ASH1L: variants seen among roughly 807,000 people sequenced by gnomAD.
ASH1L encodes the protein ASH1 like histone lysine methyltransferase, also known as histone-lysine N-methyltransferase ASH1L.
ASH1L carries 23 observed loss-of-function variants against 269.0 expected under a neutral mutation model. That is an observed-to-expected ratio of 0.09 (90% CI 0.06 to 0.12). The LOEUF (loss-of-function observed/expected upper bound fraction) is 0.12. ASH1L is among the 10% of genes least tolerant of loss of function. The probability of loss-of-function intolerance (pLI) is 1.00; values close to 1 mark genes in which losing one functional copy is unlikely to be tolerated. For synonymous variants in ASH1L, 1,187 were observed against 1,253.5 expected (o/e 0.95, Z 1.12); for missense variants, 2,912 against 3,567.8 (o/e 0.82, Z 4.68).
At chr1:155,503,268 A>G (rs1176368226) in intron 2 of ASH1L, among the ~76,000 whole-genome samples, 1 of 152,212 alleles carries the variant, frequency 6.6e-6, no homozygotes, top group Non-Finnish European at 1.5e-5. Flanking sequence ...GATGTTAGTA[A>G]TTCAATGTAG....
At chr1:155,451,799 G>A (rs1663494880) in intron 4 of ASH1L, among the ~76,000 whole-genome samples, 1 of 152,108 alleles carries the variant, frequency 6.6e-6, no homozygotes, top group Non-Finnish European at 1.5e-5. Context: ...TCAGCTCACG[G>A]CAGCCTCCGC....
In ASH1L at chr1:155,370,830, A is replaced by T; in HGVS notation, c.6486T>A (p.Ala2162=). ...CTAGGTATTCAATGATGAACTGCCC[A>T]GCTTTTAGGGGCTCTTTGGTTCTGA... The part of the protein sequence containing the change: ...WGIRTKEPLK[A]GQFIIEYLGE... Residue 2162 remains alanine, a synonymous_variant, in exon 11 of 28, where the codon GCT becomes GCA. Transcript: ENST00000392403. The T allele has an allele frequency of 6.2e-7, 1 of 1,614,184 alleles. No homozygotes were observed. The highest frequency in any genetic ancestry group is 1.3e-5 in the African/African-American group (1 of 75,050).
At chr1:155,345,158 T>C (rs1653149611) in intron 21 of ASH1L, among the ~76,000 whole-genome samples, 1 of 148,168 alleles carries the variant, frequency 6.7e-6, no homozygotes, top group Non-Finnish European at 1.5e-5. Context: ...GGTTTCACCA[T>C]GTTAGCCAGG....
At chr1:155,453,960 C>A (rs984087345) in intron 4 of ASH1L, among the ~76,000 whole-genome samples, 1 of 151,804 alleles carries the variant, frequency 6.6e-6, no homozygotes, top group Non-Finnish European at 1.5e-5. Flanking sequence ...AAGAAATTAG[C>A]GGGGCGTGGT....
At chr1:155,461,973 T>C (rs973825017) in intron 3 of ASH1L, among the ~76,000 whole-genome samples, 4 of 151,998 alleles carry the variant, frequency 2.6e-5, no homozygotes, top group African/African-American at 9.7e-5. Context: ...TAATTTTTTG[T>C]ATTTTTAGTA....
intron 3 of ASH1L, among the ~76,000 whole-genome samples, chr1:155,470,235 G>A (rs1664996485): frequency 6.6e-6 from 1 of 152,032 alleles, no homozygotes. Context: ...GAGGCGGGTG[G>A]ATCACCATAG....
At chr1:155,407,051 C>T (rs1373905402) in intron 6 of ASH1L, among the ~76,000 whole-genome samples, 1 of 151,942 alleles carries the variant, frequency 6.6e-6, no homozygotes, top group Non-Finnish European at 1.5e-5. Context: ...GGTGAAACCC[C>T]ATCTCTACTA....
At chr1:155,398,824 C>T (rs1039771155) in intron 6 of ASH1L, among the ~76,000 whole-genome samples, 6 of 152,182 alleles carry the variant, frequency 3.9e-5, no homozygotes, top group South Asian at 2.1e-4. Context: ...GTGAACCTCT[C>T]GCCTCAGCCT....
Position 155,414,154 on chromosome 1 carries a change from C to T in ASH1L, c.6008+1590G>A, listed in dbSNP as rs565318032. Reference sequence around the variant, plus strand: ...TTTGTCTAAATTCAGATATTCATGACTTTTTGACAGAAACTGTGAGGTGAG... The same window carrying T: ...TTTGTCTAAATTCAGATATTCATGATTTTTTGACAGAAACTGTGAGGTGAG... On this transcript the variant is annotated intron_variant, in intron 6 of 27. Coordinates refer to ENST00000392403, the MANE Select transcript of ASH1L (RefSeq NM_018489.3). Among the ~76,000 whole-genome samples the T allele has an allele frequency of 5.3e-5, 8 of 152,214 alleles. No homozygotes were observed. The South Asian group carries it at 1.7e-3, about 32-fold the overall frequency.
At chr1:155,402,144 TCAAACAAA>T (rs34981891) in intron 6 of ASH1L, among the ~76,000 whole-genome samples, 50 of 151,418 alleles carry the variant, frequency 3.3e-4, no homozygotes, top group South Asian at 6.3e-4. Flanking sequence ...AGACTCCGTC[TCAAACAAA>T]CAAACAAACA....
intron 10 of ASH1L, among the ~76,000 whole-genome samples, chr1:155,371,995 C>T (rs1655994808): frequency 6.6e-6 from 1 of 151,624 alleles, no homozygotes; most frequent in Non-Finnish European, 1.5e-5. Context: ...TGCACCCGGC[C>T]GCTAATTTAC....
intron 5 of ASH1L, among the ~76,000 whole-genome samples, chr1:155,424,980 T>G (rs1466980622): frequency 1.3e-5 from 2 of 151,238 alleles, no homozygotes; most frequent in African/African-American, 2.4e-5. Context: ...GTTTTTGTGT[T>G]TTTTTTTTGA....
Position 155,491,935 on chromosome 1 carries a change from T to G in ASH1L, c.421-9486A>C, listed in dbSNP as rs565335237. ...CGATCCACTCACCTCAGCCTCTCAA[T>G]GTGCTGGGATTACAGGCGTGAGTCA... On this transcript the variant is annotated intron_variant, in intron 2 of 27. Transcript: ENST00000392403. Among the ~76,000 whole-genome samples, 4 of 151,976 alleles carry G rather than the reference T, an allele frequency of 2.6e-5. No individual in the cohort carries two copies. The East Asian group carries it at 7.7e-4, about 29-fold the overall frequency.
Position 155,480,800 on chromosome 1 carries a change from T to C in ASH1L, c.2070A>G (p.Ser690=). 1 of 1,614,052 alleles carries C rather than the reference T, an allele frequency of 6.2e-7. No homozygotes were observed. Among genetic ancestry groups the C allele is most frequent in the Non-Finnish European group, 8.5e-7 (1 of 1,179,992 alleles). The stretch of plus-strand genomic sequence containing the variant: ...TTTCAGCAACTTGGCAGTGTTTGTC[T>C]GATGCAGATACTGCACCCAGTTTTA... ...PFLKLGAVSA[S]DKHCQVAESL... The change falls in exon 3 of 28, where the codon TCA becomes TCG. Residue 690 remains serine (S), a synonymous_variant. Transcript: ENST00000392403.
intron 10 of ASH1L, among the ~76,000 whole-genome samples, chr1:155,376,610 T>C (rs770596465): frequency 6.6e-5 from 10 of 151,500 alleles, no homozygotes; most frequent in Admixed American, 1.3e-4. Context: ...ACCTGGGAAG[T>C]GGAGGTTGCA....
At chr1:155,437,593 C>A (rs1662206409) in intron 5 of ASH1L, among the ~76,000 whole-genome samples, 1 of 152,146 alleles carries the variant, frequency 6.6e-6, no homozygotes, top group Admixed American at 6.6e-5. Context: ...TCCAGCAATT[C>A]CACTTCTGAG....
intron 6 of ASH1L, among the ~76,000 whole-genome samples, chr1:155,411,997 T>C (rs1337156090): frequency 1.3e-5 from 2 of 151,816 alleles, no homozygotes; most frequent in Non-Finnish European, 2.9e-5. Context: ...ATCCCAGCAC[T>C]TTGGGAGGCT....
Position 155,481,023 on chromosome 1 carries a change from C to G in ASH1L, c.1847G>C (p.Arg616Thr). 6.2e-7 allele frequency: 1 copy of G among 1,613,976 alleles called. No homozygotes were observed. The highest frequency in any genetic ancestry group is 8.5e-7 in the Non-Finnish European group (1 of 1,179,960). ...AATACTTATACTATGACCAACTGACCTATGACCAACGTTCAAGTGGGTACT... is the reference window on the plus strand; with the variant it reads ...AATACTTATACTATGACCAACTGACGTATGACCAACGTTCAAGTGGGTACT... ...SESTHLNVGH[R>T]SVGHSISIEC... The change falls in exon 3 of 28, where the codon AGG becomes ACG. Residue 616 changes from arginine to threonine, a missense_variant. By Grantham distance (71) the Arg-to-Thr change is moderately conservative. This residue lies in a region of ASH1L where 715 missense variants were observed against 721.0 expected (regional missense o/e 0.99). Transcript: ENST00000392403.
intron 25 of ASH1L, among the ~76,000 whole-genome samples, 185 bp from the exon 26 acceptor site, chr1:155,339,553 C>T (rs1558010197): frequency 6.6e-6 from 1 of 152,154 alleles, no homozygotes; most frequent in Non-Finnish European, 1.5e-5. Context: ...ATTTTGTGCT[C>T]CCAGGATGAC....
Sources: gnomAD v4.1 joint callset for allele counts (sites outside exome capture counted in the v4.1 genomes callset) on GRCh38, gnomAD v4.1.1 for gene constraint, gnomAD v4.1.1 regional missense constraint, MANE v1.5 for transcripts, NCBI Gene and HGNC (gene_info 2026-07-23, HGNC 2026-07-21) for gene names.